NCK2: variants seen among roughly 807,000 people sequenced by gnomAD.
The protein encoded by NCK2 is NCK adaptor protein 2.
A neutral mutation model predicts 33.9 loss-of-function variants in NCK2; 16 were observed. The ratio of observed to expected loss-of-function variants is 0.47; its 90% confidence interval spans 0.32 to 0.72. The LOEUF is 0.72. NCK2 is among the 30% of genes least tolerant of loss of function. The pLI, the probability that NCK2 is intolerant of heterozygous loss-of-function variation, is 0.03. For missense variants in NCK2, 418 were observed against 537.3 expected, an observed-to-expected ratio of 0.78 and a Z score of 2.19; for synonymous variants, 273 against 239.9, an observed-to-expected ratio of 1.14 and a Z score of -1.27.
intron 1 of NCK2, among the ~76,000 whole-genome samples, chr2:105,761,394 C>T (rs1177318553): frequency 1.3e-5 from 2 of 152,126 alleles, no homozygotes; most frequent in Non-Finnish European, 2.9e-5. Flanking sequence ...TAGCCTGTTT[C>T]TCTTTCTGGT....
rs1162534179 is a variant in NCK2, at chr2:105,893,409, A to ATTATTCCT, written c.*236_*243dup. The ATTATTCCT allele has an allele frequency of 2.1e-6, 1 of 483,136 alleles. No homozygotes were observed. The highest frequency in any genetic ancestry group is 3.7e-6 in the Non-Finnish European group (1 of 267,078). 29.9% of individuals were successfully genotyped at this position (483,136 alleles called of 1,614,324 possible). The stretch of plus-strand genomic sequence containing the variant: ...GAGGGGAGGAGCAGGGCGAGTTCAC[A>ATTATTCCT]TTATTCCTTTTCCATCGGAAGTGGC... On this transcript the variant is annotated 3_prime_UTR_variant, in exon 5 of 5. Transcript: ENST00000233154.
intron 1 of NCK2, among the ~76,000 whole-genome samples, chr2:105,764,551 C>T (rs1689872077): frequency 6.6e-6 from 1 of 152,126 alleles, no homozygotes; most frequent in Non-Finnish European, 1.5e-5. Context: ...TCTGGTCTTC[C>T]CAGGTGGGGT....
At chr2:105,781,653 G>A (rs181611110) in intron 1 of NCK2, among the ~76,000 whole-genome samples, 36 of 152,336 alleles carry the variant, frequency 2.4e-4, no homozygotes, top group Admixed American at 1.4e-3. Flanking sequence ...TAGCAGTCTT[G>A]TAAGGTAGTT....
chr2:105,778,520 G>GT (rs977982211), intron 1 of NCK2, among the ~76,000 whole-genome samples: 1 of 152,192 alleles, frequency 6.6e-6, no homozygotes, highest in Non-Finnish European at 1.5e-5. Flanking sequence ...GAAGCCCTTG[G>GT]TTCTGGGCAG....
chr2:105,756,011 G>T (rs1266765532), intron 1 of NCK2, among the ~76,000 whole-genome samples: 1 of 152,214 alleles, frequency 6.6e-6, no homozygotes, highest in Non-Finnish European at 1.5e-5. Context: ...TAATCTGGCT[G>T]TTAGTCGCTG....
intron 1 of NCK2, among the ~76,000 whole-genome samples, chr2:105,756,055 G>A (rs1258089265): frequency 2.0e-5 from 3 of 152,168 alleles, no homozygotes; most frequent in African/African-American, 7.2e-5. Flanking sequence ...CTGTTACCTG[G>A]CCTAGCATAT....
Position 105,807,990 on chromosome 2 carries a change from C to T in NCK2, c.-200-8440C>T, listed in dbSNP as rs1204318071. ...CGATCTCAGCTCACTTTAGCCTCCG[C>T]CTCCTGGGTTCAAGCCATTCTCCTG... On this transcript the variant is annotated intron_variant, in intron 1 of 4. Coordinates refer to ENST00000233154, the MANE Select transcript of NCK2 (RefSeq NM_003581.5). Among the ~76,000 whole-genome samples the T allele has an allele frequency of 2.0e-5, 3 of 151,892 alleles. 1 individual carries two copies. Among genetic ancestry groups the T allele is most frequent in the Non-Finnish European group, 4.4e-5 (3 of 67,956 alleles).
chr2:105,865,697 C>T (rs1444304422), intron 3 of NCK2, among the ~76,000 whole-genome samples: 1 of 152,148 alleles, frequency 6.6e-6, no homozygotes, highest in Non-Finnish European at 1.5e-5. Flanking sequence ...GGAGTATACT[C>T]CTTTTCCGTA....
chr2:105,806,995 T>A (rs1468862255), intron 1 of NCK2, among the ~76,000 whole-genome samples: 1 of 152,208 alleles, frequency 6.6e-6, no homozygotes, highest in Non-Finnish European at 1.5e-5. Flanking sequence ...CTGTAAGACA[T>A]CCTATCCCAC....
chr2:105,788,919 G>A (rs1033969880), intron 1 of NCK2, among the ~76,000 whole-genome samples: 10 of 152,196 alleles, frequency 6.6e-5, no homozygotes, highest in Admixed American at 6.5e-5. Flanking sequence ...TTCTAAAAAT[G>A]TATTCTGGTT....
intron 3 of NCK2, among the ~76,000 whole-genome samples, chr2:105,869,785 G>A (rs1351352250): frequency 6.6e-6 from 1 of 152,130 alleles, no homozygotes; most frequent in Admixed American, 6.5e-5. Flanking sequence ...TATATGTGTT[G>A]AGAGGTACTA....
rs376509863 is a variant in NCK2, at chr2:105,763,038, A to T, written c.-201+17900A>T. Among the ~76,000 whole-genome samples, 3 of 152,164 alleles carry T rather than the reference A, an allele frequency of 2.0e-5. No individual in the cohort carries two copies. In the East Asian group the frequency reaches 5.8e-4, roughly 29 times the overall value. Reference sequence around the variant, plus strand: ...AGTGAAACCCCGTCTCTACTAAAGAATACAAAAGAATTAGCCAGGCGTGGT... The same window carrying T: ...AGTGAAACCCCGTCTCTACTAAAGATTACAAAAGAATTAGCCAGGCGTGGT... On this transcript the variant is annotated intron_variant, in intron 1 of 4. Coordinates refer to ENST00000233154, the MANE Select transcript of NCK2 (RefSeq NM_003581.5).
intron 1 of NCK2, among the ~76,000 whole-genome samples, chr2:105,810,432 T>C (rs1357267450): frequency 1.3e-5 from 2 of 152,196 alleles, no homozygotes; most frequent in African/African-American, 4.8e-5. Context: ...CCCTCTTTCC[T>C]TCCTTCAGAA....
intron 2 of NCK2, among the ~76,000 whole-genome samples, chr2:105,825,008 T>C (rs1365748987): frequency 6.6e-6 from 1 of 152,202 alleles, no homozygotes; most frequent in Non-Finnish European, 1.5e-5. Context: ...CCCACATTTG[T>C]TGGCTGAGTG....
At chr2:105,821,871 A>G (rs373600137) in intron 2 of NCK2, among the ~76,000 whole-genome samples, 3 of 149,098 alleles carry the variant, frequency 2.0e-5, no homozygotes, top group East Asian at 4.4e-4. Context: ...ATCTATTAAC[A>G]GCAGCCCGGG....
chr2:105,856,124 G>A (rs1573209633), intron 3 of NCK2, among the ~76,000 whole-genome samples: 1 of 151,662 alleles, frequency 6.6e-6, no homozygotes, highest in Non-Finnish European at 1.5e-5. Flanking sequence ...GTGAGCCACC[G>A]TGCCCGGCTC....
intron 1 of NCK2, among the ~76,000 whole-genome samples, chr2:105,802,321 C>T (rs1235501265): frequency 1.3e-5 from 2 of 152,232 alleles, no homozygotes; most frequent in Non-Finnish European, 2.9e-5. Flanking sequence ...CAGAGGCATC[C>T]TTAACATGCC....
intron 1 of NCK2, among the ~76,000 whole-genome samples, chr2:105,783,143 A>G (rs968174124): frequency 2.0e-5 from 3 of 152,234 alleles, no homozygotes; most frequent in Admixed American, 6.5e-5. Context: ...CTTTCTCTGC[A>G]GCACTGCTTT....
intron 1 of NCK2, among the ~76,000 whole-genome samples, chr2:105,782,139 G>A (rs1285490319): frequency 2.0e-5 from 3 of 152,154 alleles, no homozygotes; most frequent in African/African-American, 7.2e-5. Flanking sequence ...GGGCTTCCGC[G>A]AGAGTGGGAG....
Sources: gnomAD v4.1 joint callset for allele counts (sites outside exome capture counted in the v4.1 genomes callset) on GRCh38, gnomAD v4.1.1 for gene constraint, MANE v1.5 for transcripts, NCBI Gene and HGNC (gene_info 2026-07-23, HGNC 2026-07-21) for gene names.